Variants in HSF5 observed in about 807,000 individuals in gnomAD.
HSF5 encodes heat shock transcription factor 5, also known as heat shock factor protein 5.
In HSF5, 5 loss-of-function variants were observed where a neutral mutation model predicts 50.8. That is an observed-to-expected ratio of 0.10 (90% CI 0.05 to 0.21). HSF5 has a LOEUF of 0.21. HSF5 is among the 10% of genes least tolerant of loss of function. HSF5 has a pLI of 1.00. For synonymous variants in HSF5, 307 were observed against 307.4 expected, an observed-to-expected ratio of 1.00 and a Z score of 0.02; for missense variants, 564 against 762.6, an observed-to-expected ratio of 0.74 and a Z score of 3.07.
chr17:58,451,408 A>G (rs545729274), intron 5 of HSF5, among the ~76,000 whole-genome samples: 1 of 152,336 alleles, frequency 6.6e-6, no homozygotes, highest in Admixed American at 6.5e-5. Flanking sequence ...CAACATATGG[A>G]ACAATCTCCA....
At chr17:58,466,255 C>T (rs1237899822) in intron 3 of HSF5, among the ~76,000 whole-genome samples, 1 of 152,160 alleles carries the variant, frequency 6.6e-6, no homozygotes, top group Non-Finnish European at 1.5e-5. Flanking sequence ...TGAAGGGGGC[C>T]ACCACTTAAA....
chr17:58,487,453 A>G (rs1449368072), intron 1 of HSF5, among the ~76,000 whole-genome samples: 1 of 152,180 alleles, frequency 6.6e-6, no homozygotes, highest in Non-Finnish European at 1.5e-5. Flanking sequence ...GGAGCCTAAG[A>G]GGCGGAGGTC....
chr17:58,476,944 C>G, intron 2 of HSF5: 2 of 718,418 alleles, frequency 2.8e-6, no homozygotes, highest in South Asian at 3.4e-5. Flanking sequence ...TGGCAGCGGA[C>G]GCCCATGTGG....
At chr17:58,457,456 G>A (rs1487750581) in intron 5 of HSF5, among the ~76,000 whole-genome samples, 4 of 151,512 alleles carry the variant, frequency 2.6e-5, no homozygotes, top group East Asian at 2.0e-4. Context: ...AAAATTAGCC[G>A]GGTGTGGTGC....
chr17:58,433,811 G>C (rs1222895674), intron 5 of HSF5, among the ~76,000 whole-genome samples: 6 of 151,550 alleles, frequency 4.0e-5, no homozygotes, highest in Non-Finnish European at 8.8e-5. Flanking sequence ...TCTGCTTGGA[G>C]TAGTTGAAGT....
rs1218273524 is a variant in HSF5, at chr17:58,420,699, T to C, written c.*1661A>G. 1.3e-5 allele frequency: 2 copies of C among 152,218 alleles called. No individual in the cohort carries two copies. Among genetic ancestry groups the C allele is most frequent in the African/African-American group, 4.8e-5 (2 of 41,454 alleles). The allele number at this position is 152,218 out of a possible 1,614,324, so 9.4% of individuals were successfully genotyped here. On this transcript the variant is annotated 3_prime_UTR_variant, in exon 6 of 6. Transcript: ENST00000323777. ...AGTCTGGCCAAAAGATATAGGTGTC[T>C]TGATAATTTGCTCTTTTAAACCTTG...
intron 3 of HSF5, among the ~76,000 whole-genome samples, chr17:58,465,712 T>C (rs1188904899): frequency 6.6e-6 from 1 of 151,970 alleles, no homozygotes; most frequent in African/African-American, 2.4e-5. Flanking sequence ...CTTGAAACTA[T>C]CTTGGCTAGA....
At chr17:58,441,615 A>C (rs1384599154) in intron 5 of HSF5, among the ~76,000 whole-genome samples, 6 of 151,472 alleles carry the variant, frequency 4.0e-5, no homozygotes, top group Non-Finnish European at 8.8e-5. Flanking sequence ...TGATCATTCC[A>C]AAAAAAAAGC....
chr17:58,422,293 G>T lies in HSF5; in HGVS notation c.*67C>A. On this transcript the variant is annotated 3_prime_UTR_variant, in exon 6 of 6. Transcript: ENST00000323777. ...AGAACTGAAAAAATCCCAACAGTTT[G>T]TCATGTGCAAGGCTAGTCTGCCTCC... 1 of 1,117,626 alleles carries T rather than the reference G, an allele frequency of 8.9e-7. No homozygotes were observed. The allele number at this position is 1,117,626 out of a possible 1,614,324, so 69.2% of individuals were successfully genotyped here. A position where few individuals can be genotyped will look rare whatever the true frequency, so the allele number is the denominator to read the frequency against.
Position 58,463,186 on chromosome 17 carries a change from C to T in HSF5, c.1138G>A (p.Asp380Asn). 1 of 1,614,200 alleles carries T rather than the reference C, an allele frequency of 6.2e-7. No homozygotes were observed. The highest frequency in any genetic ancestry group is 1.1e-5 in the South Asian group (1 of 91,086). Residue 380 changes from aspartate to asparagine, a missense_variant, in exon 4 of 6, where the codon GAT (aspartate) becomes AAT (asparagine). Physicochemically the swap from Asp to Asn is conservative, Grantham distance 23 (BLOSUM62 1). Coordinates refer to ENST00000323777, the MANE Select transcript of HSF5 (RefSeq NM_001080439.3). The stretch of plus-strand genomic sequence containing the variant: ...AATTTAGGGGAGGAATGCAACTCAT[C>T]AACTATCTGAAAGACAGCCTCTAGG... Reference protein sequence around the residue: ...VNLEAVFQIVDELHSSPKLEM... With the variant: ...VNLEAVFQIVNELHSSPKLEM...
intron 1 of HSF5, among the ~76,000 whole-genome samples, chr17:58,484,872 C>A (rs1030526823): frequency 2.6e-5 from 4 of 151,016 alleles, no homozygotes; most frequent in Admixed American, 6.6e-5. Context: ...TAACCCTGGG[C>A]GAAGGTTAAG....
At chr17:58,482,083 T>C (rs1289682573) in intron 1 of HSF5, among the ~76,000 whole-genome samples, 1 of 151,004 alleles carries the variant, frequency 6.6e-6, no homozygotes, top group African/African-American at 2.4e-5. Flanking sequence ...CCAGCCTGGA[T>C]GACAGAGTGA....
At chr17:58,424,484 C>T (rs1358447600) in intron 5 of HSF5, among the ~76,000 whole-genome samples, 11 of 152,056 alleles carry the variant, frequency 7.2e-5, no homozygotes, top group African/African-American at 1.9e-4. Context: ...TGGTGGCAGG[C>T]GCCTGTAGTC....
At chr17:58,461,697 C>A (rs1974795735) in intron 4 of HSF5, among the ~76,000 whole-genome samples, 1 of 152,062 alleles carries the variant, frequency 6.6e-6, no homozygotes, top group Non-Finnish European at 1.5e-5. Context: ...CATGGTGGAA[C>A]CCCGTCTCTA....
intron 2 of HSF5, chr17:58,476,723 C>T (rs1438102364): frequency 3.8e-6 from 6 of 1,593,030 alleles, no homozygotes; most frequent in South Asian, 1.1e-5. Flanking sequence ...GGGATTTTGG[C>T]GATCAATTCT....
intron 5 of HSF5, among the ~76,000 whole-genome samples, chr17:58,457,010 G>A (rs1199909343): frequency 6.6e-6 from 1 of 152,056 alleles, no homozygotes; most frequent in Non-Finnish European, 1.5e-5. Flanking sequence ...TGCAATCCCA[G>A]CACTGTGGGA....
intron 2 of HSF5, among the ~76,000 whole-genome samples, chr17:58,478,268 C>A (rs1377551588): frequency 3.0e-5 from 3 of 101,318 alleles, no homozygotes; most frequent in African/African-American, 1.1e-4. Context: ...CCTGTCTCTA[C>A]TAAAATAAAT....
At chr17:58,459,831 T>A (rs1454500293) in intron 4 of HSF5, among the ~76,000 whole-genome samples, 1 of 152,016 alleles carries the variant, frequency 6.6e-6, no homozygotes, top group Non-Finnish European at 1.5e-5. Flanking sequence ...CCATCTTTTT[T>A]CTCTGTAGAA....
chr17:58,422,540 TA>T, intron 5 of HSF5, 110 bp from the exon 6 acceptor site: 1 of 721,316 alleles, frequency 1.4e-6, no homozygotes, highest in Non-Finnish European at 2.3e-6. Context: ...GAACTGGCTC[TA>T]AAATTGTATA....
Sources: allele counts gnomAD v4.1 joint callset (sites outside exome capture counted in the v4.1 genomes callset), GRCh38; gene constraint gnomAD v4.1.1; transcripts MANE v1.5; gene names NCBI Gene and HGNC (gene_info 2026-07-23, HGNC 2026-07-21).